The following RTN4RL2 variants were observed in gnomAD, a reference collection of about 807,000 sequenced individuals.
The protein encoded by RTN4RL2 is reticulon-4 receptor-like 2.
In RTN4RL2, 9 loss-of-function variants were observed where a neutral mutation model predicts 27.8. That is an observed-to-expected ratio of 0.32 (90% CI 0.20 to 0.57). RTN4RL2 has a LOEUF of 0.57. RTN4RL2 is among the 20% of genes least tolerant of loss of function. The probability of loss-of-function intolerance (pLI) is 0.90; values close to 1 mark genes in which losing one functional copy is unlikely to be tolerated. For missense variants in RTN4RL2, 436 were observed against 596.8 expected (o/e 0.73, Z 2.81); for synonymous variants, 285 against 297.9 (o/e 0.96, Z 0.45).
At chr11:57,468,171 G>GGAGAGGA in intron 2 of RTN4RL2, 81 bp downstream of exon 2, 3 of 1,447,468 alleles carry the variant, frequency 2.1e-6, no homozygotes, top group Non-Finnish European at 2.8e-6. Flanking sequence ...ACCCTGGCGT[G>GGAGAGGA]CGTCCCTCCT....
rs767175622 is a variant in RTN4RL2 at position 57,460,834 on chromosome 11, C to G, written c.-32C>G. On this transcript the variant is annotated 5_prime_UTR_variant, in exon 1 of 3. Coordinates refer to ENST00000335099, the MANE Select transcript of RTN4RL2 (RefSeq NM_178570.3). ...GGGAGCGAGTGGGAGCGCCCTCCCC[C>G]CGCTGCCCCCTCCCCCGAGCATCGA... 6.5e-6 allele frequency: 9 copies of G among 1,378,588 alleles called. No homozygotes were observed. Among genetic ancestry groups the G allele is most frequent in the Non-Finnish European group, 7.7e-6 (8 of 1,045,472 alleles). The allele number at this position is 1,378,588 out of a possible 1,614,324, so 85.4% of individuals were successfully genotyped here. A position where few individuals can be genotyped will look rare whatever the true frequency, so the allele number is the denominator to read the frequency against.
intron 1 of RTN4RL2, among the ~76,000 whole-genome samples, chr11:57,464,462 G>T (rs1001571241): frequency 6.6e-6 from 1 of 152,162 alleles, no homozygotes; most frequent in African/African-American, 2.4e-5. Context: ...TGTGGATAAG[G>T]GGTAGGATTA....
At chr11:57,468,773 A>G in intron 2 of RTN4RL2, 1 of 1,521,106 alleles carries the variant, frequency 6.6e-7, no homozygotes, top group Admixed American at 2.0e-5. Flanking sequence ...AATGCAGGGG[A>G]AGAAAGAAAA....
chr11:57,476,000 G>A (rs1943592645), intron 2 of RTN4RL2, among the ~76,000 whole-genome samples, 162 bp from the exon 3 acceptor site: 2 of 152,358 alleles, frequency 1.3e-5, no homozygotes, highest in Middle Eastern at 3.4e-3. Context: ...AAATAGGTTA[G>A]AGGAGGCAGA....
intron 1 of RTN4RL2, among the ~76,000 whole-genome samples, chr11:57,464,592 C>G (rs1943508198): frequency 1.3e-5 from 2 of 152,204 alleles, no homozygotes; most frequent in Admixed American, 1.3e-4. Context: ...TTTTCTGGCC[C>G]TTTCCCTGCC....
Position 57,477,014 on chromosome 11 carries a change from C to A in RTN4RL2, c.*103C>A, listed in dbSNP as rs2135126153. On this transcript the variant is annotated 3_prime_UTR_variant, in exon 3 of 3. Coordinates refer to ENST00000335099, the MANE Select transcript of RTN4RL2 (RefSeq NM_178570.3). ...CGCCCCACCTTCCCTGGCCTTGCTG[C>A]CTCCCTTTCCCCTCCCAGCTCCTCT... 8.4e-7 allele frequency: 1 copy of A among 1,189,130 alleles called. No individual in the cohort carries two copies. The highest frequency in any genetic ancestry group is 1.1e-6 in the Non-Finnish European group (1 of 877,474). 73.7% of individuals were successfully genotyped at this position (1,189,130 alleles called of 1,614,324 possible).
At chr11:57,464,816 TGA>T (rs1054016295) in intron 1 of RTN4RL2, among the ~76,000 whole-genome samples, 26 of 152,030 alleles carry the variant, frequency 1.7e-4, no homozygotes, top group Non-Finnish European at 1.3e-4. Context: ...AGATGAGGGG[TGA>T]GAGACATTGC....
chr11:57,460,967 A>T, intron 1 of RTN4RL2, 71 bp downstream of exon 1: 22 of 856,972 alleles, frequency 2.6e-5, no homozygotes, highest in Non-Finnish European at 3.1e-5. Context: ...TCTTTCAGGG[A>T]TTGAGGGTGG....
chr11:57,476,183 G>T lies in RTN4RL2; in HGVS notation c.535G>T (p.Ala179Ser), dbSNP rs1417343122. The T allele has an allele frequency of 1.9e-6, 3 of 1,608,530 alleles. No homozygotes were observed. The highest frequency in any genetic ancestry group is 2.5e-6 in the Non-Finnish European group (3 of 1,177,116). ...HLQDDLFADL[A>S]NLSHLFLHGN... ...CCAGGATGACTTGTTCGCGGACCTG[G>T]CCAACCTGAGCCACCTCTTCCTCCA... The change falls in exon 3 of 3, where the codon GCC (alanine) becomes TCC (serine). Residue 179 changes from alanine to serine, a missense_variant. By Grantham distance (99) the Ala-to-Ser change is moderately conservative. Coordinates refer to ENST00000335099, the MANE Select transcript of RTN4RL2 (RefSeq NM_178570.3). The surrounding 1 kb of genome is among the most constrained non-coding windows in gnomAD (Gnocchi z 8.2).
In RTN4RL2 at chr11:57,476,454, C is replaced by A; in HGVS notation, c.806C>A (p.Ala269Glu). ...AACCCCTGGGCGTGCGACTGCCGCG[C>A]GCGGCCGCTCTGGGCCTGGTTCCAG... ...NANPWACDCR[A>E]RPLWAWFQRA... Residue 269 changes from alanine to glutamate, a missense_variant, in exon 3 of 3, where the codon GCG becomes GAG. Transcript: ENST00000335099. This position sits in a 1 kb window ranked among gnomAD's most constrained non-coding sequence, Gnocchi z 8.2. 1 of 1,565,652 alleles carries A rather than the reference C, an allele frequency of 6.4e-7. No individual in the cohort carries two copies. The highest frequency in any genetic ancestry group is 8.6e-7 in the Non-Finnish European group (1 of 1,165,590).
At position 57,476,957 on chromosome 11, in the gene RTN4RL2, C is replaced by G. The variant is rs777928447; in HGVS notation, c.*46C>G. 7 of 1,502,612 alleles carry G rather than the reference C, an allele frequency of 4.7e-6. No individual in the cohort carries two copies. The highest frequency in any genetic ancestry group is 2.6e-6 in the Non-Finnish European group (3 of 1,134,468). The allele number at this position is 1,502,612 out of a possible 1,614,324, so 93.1% of individuals were successfully genotyped here. On this transcript the variant is annotated 3_prime_UTR_variant, in exon 3 of 3. Transcript: ENST00000335099. The surrounding 1 kb of genome is among the most constrained non-coding windows in gnomAD (Gnocchi z 8.2). ...AGGCCAGTGTCCGATCCCCGCTTCC[C>G]GTCCACCCGGGGCTGCGGCTCCGGC...
chr11:57,465,833 CAA>C (rs1432332451), intron 1 of RTN4RL2, among the ~76,000 whole-genome samples: 1 of 149,202 alleles, frequency 6.7e-6, no homozygotes, highest in African/African-American at 2.5e-5. Flanking sequence ...ATCCAACCTT[CAA>C]AAGTTACTTT....
At chr11:57,469,934 T>C (rs1310004724) in intron 2 of RTN4RL2, among the ~76,000 whole-genome samples, 4 of 152,236 alleles carry the variant, frequency 2.6e-5, no homozygotes, top group African/African-American at 9.6e-5. Context: ...CGGAGGCTTA[T>C]GTCTTCTCAC....
chr11:57,476,661 G>A lies in RTN4RL2; in HGVS notation c.1013G>A (p.Gly338Glu). ...CACCTGTACGGGGTGGCCGAGGCCG[G>A]GGCGCCCCCAGCCGATCCCTCCACC... ...SNHLYGVAEAGAPPADPSTLY... is the reference protein window; with the variant it reads ...SNHLYGVAEAEAPPADPSTLY... The change falls in exon 3 of 3, where the codon GGG becomes GAG. Residue 338 changes from glycine (G) to glutamate (E), a missense_variant. Coordinates refer to ENST00000335099, the MANE Select transcript of RTN4RL2 (RefSeq NM_178570.3). This position sits in a 1 kb window ranked among gnomAD's most constrained non-coding sequence, Gnocchi z 8.2. 6 of 1,409,870 alleles carry A rather than the reference G, an allele frequency of 4.3e-6. No individual in the cohort carries two copies. The highest frequency in any genetic ancestry group is 6.4e-5 in the Admixed American group (2 of 31,264). 87.3% of individuals were successfully genotyped at this position (1,409,870 alleles called of 1,614,324 possible).
At chr11:57,462,694 A>G (rs957097074) in intron 1 of RTN4RL2, among the ~76,000 whole-genome samples, 1 of 152,226 alleles carries the variant, frequency 6.6e-6, no homozygotes, top group Admixed American at 6.5e-5. Context: ...AGAGTCCTGG[A>G]CAGTGGTCCC....
At chr11:57,469,296 C>T (rs375995694) in intron 2 of RTN4RL2, among the ~76,000 whole-genome samples, 47 of 152,228 alleles carry the variant, frequency 3.1e-4, no homozygotes, top group East Asian at 1.2e-3. Flanking sequence ...GTAAAATGCA[C>T]GGTATATTGG....
At position 57,462,866 on chromosome 11, in the gene RTN4RL2, C is replaced by T. The variant is rs374771319; in HGVS notation, c.31+1970C>T. Among the ~76,000 whole-genome samples the T allele has an allele frequency of 2.9e-4, 44 of 152,342 alleles. No homozygotes were observed. The South Asian group carries it at 7.9e-3, about 27-fold the overall frequency. On this transcript the variant is annotated intron_variant, in intron 1 of 2. Coordinates refer to ENST00000335099, the MANE Select transcript of RTN4RL2 (RefSeq NM_178570.3). ...CATGTAATCACTACTCTAGAACAAC[C>T]GCAACTGGAAGCCTAGGAGGTGAAA...
At chr11:57,471,241 A>C (rs1229375392) in intron 2 of RTN4RL2, among the ~76,000 whole-genome samples, 1 of 114,592 alleles carries the variant, frequency 8.7e-6, no homozygotes, top group Non-Finnish European at 1.9e-5. Context: ...GTCTCAAAAA[A>C]GGAAAAAAAA....
chr11:57,474,757 C>T (rs1031439463), intron 2 of RTN4RL2, among the ~76,000 whole-genome samples: 10 of 152,308 alleles, frequency 6.6e-5, no homozygotes, highest in Admixed American at 6.5e-4. Flanking sequence ...ATCAGAATCC[C>T]CTGGTGAGCT....
Sources: gnomAD v4.1 joint callset for allele counts (sites outside exome capture counted in the v4.1 genomes callset) on GRCh38, gnomAD v4.1.1 for gene constraint, Gnocchi (gnomAD v3.1) non-coding constraint, MANE v1.5 for transcripts, NCBI Gene and HGNC (gene_info 2026-07-23, HGNC 2026-07-21) for gene names.